TBX15: variants seen among roughly 807,000 people sequenced by gnomAD.
TBX15 encodes T-box transcription factor TBX15.
TBX15 carries 18 observed loss-of-function variants against 53.9 expected under a neutral mutation model. The observed-to-expected ratio is 0.33, with a 90% confidence interval of 0.23 to 0.49. The LOEUF (loss-of-function observed/expected upper bound fraction) is 0.49, where lower values mean the gene tolerates loss of function less well. Among genes scored for constraint, TBX15 ranks in the 20% least tolerant of loss-of-function variants. TBX15 has a pLI of 0.98. For synonymous variants in TBX15, 295 were observed against 278.0 expected (o/e 1.06, Z -0.61); for missense variants, 692 against 749.5 (o/e 0.92, Z 0.90).
chr1:118,914,003 G>GTGGC (rs1557881587), intron 6 of TBX15, 112 bp downstream of exon 6: 1 of 1,032,734 alleles, frequency 9.7e-7, no homozygotes, highest in Admixed American at 1.8e-5. Flanking sequence ...AGTGTACACA[G>GTGGC]TGGCGGAGCA....
intron 7 of TBX15, among the ~76,000 whole-genome samples, chr1:118,894,728 C>T (rs1490170997): frequency 6.6e-6 from 1 of 152,024 alleles, no homozygotes; most frequent in Non-Finnish European, 1.5e-5. Context: ...GGAGAGGGCA[C>T]CAGGCTGTGA....
intron 6 of TBX15, among the ~76,000 whole-genome samples, chr1:118,909,153 G>A (rs1571164799): frequency 6.6e-6 from 1 of 152,164 alleles, no homozygotes. Flanking sequence ...CTCCCCTTGG[G>A]GTCTTACACA....
Position 118,924,725 on chromosome 1 carries a change from G to A in TBX15, c.614C>T (p.Ser205Phe). The change falls in exon 4 of 8, where the codon TCT becomes TTT. Residue 205 changes from serine (S) to phenylalanine (F), a missense_variant. By Grantham distance (155) the Ser-to-Phe change is radical. Around this residue, in one of 3 missense-constraint regions of TBX15, gnomAD observed 307 missense variants for 347.5 expected, o/e 0.88. Coordinates refer to ENST00000369429, the MANE Select transcript of TBX15 (RefSeq NM_001330677.2). ...RVYIHPDSLA[S>F]GDTWMRQVVS... ...CACCTGTCTCATCCAGGTGTCTCCA[G>A]AAGCTAGAGAATCAGGGTGTATATA... is the stretch of plus-strand genomic sequence containing the variant. 6.2e-7 allele frequency: 1 copy of A among 1,614,084 alleles called. No individual in the cohort carries two copies. The highest frequency in any genetic ancestry group is 8.5e-7 in the Non-Finnish European group (1 of 1,179,998).
chr1:118,972,931 T>A (rs1308323766), intron 1 of TBX15, among the ~76,000 whole-genome samples: 1 of 152,192 alleles, frequency 6.6e-6, no homozygotes, highest in Non-Finnish European at 1.5e-5. Flanking sequence ...CTAAAGAGTG[T>A]CTGAGTGGTC....
chr1:118,984,589 G>C (rs1263508329), intron 1 of TBX15, among the ~76,000 whole-genome samples: 1 of 152,228 alleles, frequency 6.6e-6, no homozygotes, highest in Non-Finnish European at 1.5e-5. Flanking sequence ...CTGTTGCTCT[G>C]GGAGAGGGCG....
Position 118,987,824 on chromosome 1 carries a change from T to G in TBX15, c.-29A>C, listed in dbSNP as rs1014819026. On this transcript the variant is annotated 5_prime_UTR_variant, in exon 1 of 8. Transcript: ENST00000369429. ...AGCCGCCCACACCCCTGCCTCCGCT[T>G]GCCCCCGCTACCGAGGGAGCAGCCG... is the stretch of plus-strand genomic sequence containing the variant. 2 of 1,546,118 alleles carry G rather than the reference T, an allele frequency of 1.3e-6. No individual in the cohort carries two copies. Among genetic ancestry groups the G allele is most frequent in the African/African-American group, 2.7e-5 (2 of 72,956 alleles).
intron 7 of TBX15, among the ~76,000 whole-genome samples, chr1:118,890,703 G>C (rs899478083): frequency 2.6e-5 from 4 of 152,090 alleles, no homozygotes; most frequent in South Asian, 2.1e-4. Context: ...GCTGACTTTT[G>C]CATCTCTAAA....
intron 6 of TBX15, among the ~76,000 whole-genome samples, chr1:118,900,668 T>C (rs1654599015): frequency 6.6e-6 from 1 of 152,200 alleles, no homozygotes; most frequent in African/African-American, 2.4e-5. Flanking sequence ...AGGAGACATC[T>C]CCACATAGTC....
chr1:118,892,895 C>T (rs1654196306), intron 7 of TBX15, among the ~76,000 whole-genome samples: 1 of 152,074 alleles, frequency 6.6e-6, no homozygotes, highest in African/African-American at 2.4e-5. Context: ...ATTCCTGAGA[C>T]CATAAATAAT....
intron 1 of TBX15, among the ~76,000 whole-genome samples, chr1:118,956,789 A>T (rs1302923721): frequency 4.7e-5 from 1 of 21,284 alleles, no homozygotes; most frequent in African/African-American, 2.3e-4. Flanking sequence ...CGTTTCTACT[A>T]AAAAAAAAAA....
At chr1:118,937,990 A>G (rs749163706) in intron 1 of TBX15, among the ~76,000 whole-genome samples, 2 of 152,162 alleles carry the variant, frequency 1.3e-5, no homozygotes, top group East Asian at 1.9e-4. Flanking sequence ...TGCAGTGGAA[A>G]TTGGTTGTGG....
chr1:118,925,283 A>T (rs1396278648), intron 3 of TBX15, among the ~76,000 whole-genome samples: 1 of 152,108 alleles, frequency 6.6e-6, no homozygotes, highest in Non-Finnish European at 1.5e-5. Flanking sequence ...CATCTTCCAT[A>T]TTGTCCTATA....
At chr1:118,893,657 A>G (rs1432215719) in intron 7 of TBX15, among the ~76,000 whole-genome samples, 2 of 152,042 alleles carry the variant, frequency 1.3e-5, no homozygotes, top group Non-Finnish European at 2.9e-5. Context: ...GAGGGAGGGA[A>G]GGAAGGAAAA....
intron 2 of TBX15, among the ~76,000 whole-genome samples, chr1:118,930,171 G>A (rs1388092152): frequency 6.6e-6 from 1 of 151,980 alleles, no homozygotes; most frequent in East Asian, 1.9e-4. Context: ...TATTGTTTTG[G>A]GAGGTTTCCT....
At chr1:118,925,373 T>C (rs1439518295) in intron 3 of TBX15, among the ~76,000 whole-genome samples, 2 of 152,230 alleles carry the variant, frequency 1.3e-5, no homozygotes, top group Admixed American at 1.3e-4. Flanking sequence ...CTTTGAGGCA[T>C]TTCTATGACG....
At chr1:118,985,737 T>G (rs1657808831) in intron 1 of TBX15, among the ~76,000 whole-genome samples, 1 of 152,240 alleles carries the variant, frequency 6.6e-6, no homozygotes, top group African/African-American at 2.4e-5. Flanking sequence ...TAATGGGAAA[T>G]GACCAACCGA....
At chr1:118,954,054 T>G (rs570064885) in intron 1 of TBX15, among the ~76,000 whole-genome samples, 1 of 152,338 alleles carries the variant, frequency 6.6e-6, no homozygotes, top group South Asian at 2.1e-4. Context: ...CATGGACACT[T>G]GGAAGAGCAC....
rs575272443 is a variant in TBX15, at chr1:118,960,721, G to A, written c.205+26870C>T. On this transcript the variant is annotated intron_variant, in intron 1 of 7. Transcript: ENST00000369429. ...GAGTCTCCCTCAGGATCAGGGCTTC[G>A]TGTTCCAAAGTCCAGGCTGGTGTGA... Among the ~76,000 whole-genome samples, 9 of 152,264 alleles carry A rather than the reference G, an allele frequency of 5.9e-5. No individual in the cohort carries two copies. In the East Asian group the frequency reaches 1.5e-3, roughly 26 times the overall value.
chr1:118,934,565 C>T (rs1655901915), intron 1 of TBX15, among the ~76,000 whole-genome samples: 3 of 152,180 alleles, frequency 2.0e-5, no homozygotes, highest in Admixed American at 6.5e-5. Context: ...ATGTGCCCAG[C>T]ACTGTGCTAG....
Sources: gnomAD v4.1 joint callset for allele counts (sites outside exome capture counted in the v4.1 genomes callset) on GRCh38, gnomAD v4.1.1 for gene constraint, gnomAD v4.1.1 regional missense constraint, MANE v1.5 for transcripts, NCBI Gene and HGNC (gene_info 2026-07-23, HGNC 2026-07-21) for gene names.